TLE6: variants seen among roughly 807,000 people sequenced by gnomAD.
The protein encoded by TLE6 is TLE family member 6, subcortical maternal complex member.
TLE6 carries 72 observed loss-of-function variants against 77.1 expected under a neutral mutation model. That is an observed-to-expected ratio of 0.93 (90% CI 0.77 to 1.14). The LOEUF (loss-of-function observed/expected upper bound fraction) is 1.14, where lower values mean the gene tolerates loss of function less well. TLE6 is among the 50% of genes most tolerant of loss of function. The probability of loss-of-function intolerance (pLI) is 0.00; values close to 1 mark genes in which losing one functional copy is unlikely to be tolerated. For missense variants in TLE6, 843 were observed against 747.6 expected (o/e 1.13, Z -1.49); for synonymous variants, 366 against 287.3 (o/e 1.27, Z -2.77).
At chr19:2,994,187 A>G (rs956558025) in intron 16 of TLE6, 92 bp downstream of exon 16, 1 of 1,108,844 alleles carries the variant, frequency 9.0e-7, no homozygotes, top group African/African-American at 1.6e-5. Context: ...CAAAAAACTT[A>G]AAAAGTAGCC....
chr19:2,982,428 C>T (rs1326298904), intron 5 of TLE6, among the ~76,000 whole-genome samples: 1 of 150,582 alleles, frequency 6.6e-6, no homozygotes, highest in Non-Finnish European at 1.5e-5. Flanking sequence ...GTCCCAGCTA[C>T]TTGGGAGGCT....
At chr19:2,986,071 C>CAAAAAAAAA (rs547031586) in intron 5 of TLE6, among the ~76,000 whole-genome samples, 8 of 41,272 alleles carry the variant, frequency 1.9e-4, no homozygotes, top group Non-Finnish European at 2.4e-4. Context: ...GAGACTGTCT[C>CAAAAAAAAA]AAAAAAAAAA....
rs748043735 is a variant in TLE6 at position 2,993,428 on chromosome 19, C to G, written c.1387-4C>G. The G allele has an allele frequency of 2.5e-6, 4 of 1,600,154 alleles. No individual in the cohort carries two copies. Among genetic ancestry groups the G allele is most frequent in the South Asian group, 1.1e-5 (1 of 90,580 alleles). ...TTCCTCCCTCCCCACTGCCCATTACCTAGATAATGAGCCTGTCCCACAGCC... is the reference window on the plus strand; with the variant it reads ...TTCCTCCCTCCCCACTGCCCATTACGTAGATAATGAGCCTGTCCCACAGCC... On this transcript the variant is annotated splice_polypyrimidine_tract_variant and splice_region_variant and intron_variant, in intron 14 of 16. Coordinates refer to ENST00000246112, the MANE Select transcript of TLE6 (RefSeq NM_001143986.2).
chr19:2,988,633 C>T (rs1287397211), intron 11 of TLE6, among the ~76,000 whole-genome samples: 1 of 152,118 alleles, frequency 6.6e-6, no homozygotes, highest in Non-Finnish European at 1.5e-5. Flanking sequence ...AGGATCGCCG[C>T]CCCAACACTG....
Position 2,989,310 on chromosome 19 carries a change from A to T in TLE6, c.990A>T (p.Ile330=), listed in dbSNP as rs774229492. The change falls in exon 12 of 17, where the codon ATA becomes ATT. Residue 330 remains isoleucine, a synonymous_variant. Coordinates refer to ENST00000246112, the MANE Select transcript of TLE6 (RefSeq NM_001143986.2). ...GGTTCCCTGAGAGCCACCTGCCTAT[A>T]CAGGTGAGGACGGCCTTGGTTTCCA... is the stretch of plus-strand genomic sequence containing the variant. ...EDRFPESHLP[I]QTPGAFLRTC... The T allele has an allele frequency of 6.2e-7, 1 of 1,612,700 alleles. No homozygotes were observed. The highest frequency in any genetic ancestry group is 1.7e-5 in the Admixed American group (1 of 60,018).
chr19:2,978,132 G>T, intron 1 of TLE6, 66 bp from the exon 2 acceptor site: 1 of 1,254,674 alleles, frequency 8.0e-7, no homozygotes, highest in Non-Finnish European at 1.1e-6. Context: ...GGTAACGGGT[G>T]CCTTGCTTCC....
intron 13 of TLE6, among the ~76,000 whole-genome samples, chr19:2,990,929 A>C (rs1243879488): frequency 6.6e-6 from 1 of 150,900 alleles, no homozygotes; most frequent in East Asian, 1.9e-4. Context: ...TGAGAAGCGG[A>C]GTTTGTGGTG....
intron 2 of TLE6, among the ~76,000 whole-genome samples, chr19:2,978,808 T>C (rs536898480): frequency 6.6e-6 from 1 of 152,208 alleles, no homozygotes; most frequent in South Asian, 2.1e-4. Context: ...GAACACATCA[T>C]GTATTTGGTT....
rs779416778 is a variant in TLE6 at position 2,991,985 on chromosome 19, G to A, written c.1386+1G>A. 4 of 1,613,200 alleles carry A rather than the reference G, an allele frequency of 2.5e-6. No individual in the cohort carries two copies. The highest frequency in any genetic ancestry group is 3.4e-6 in the Non-Finnish European group (4 of 1,179,794). On this transcript the variant is annotated splice_donor_variant, in intron 14 of 16. Transcript: ENST00000246112. LOFTEE classifies it high-confidence loss of function. ...TCTGGAGTACCAATTCAAGTCTCAGGTGCGGAGGCCGGGATGGGGTCTGCT... is the reference window on the plus strand; with the variant it reads ...TCTGGAGTACCAATTCAAGTCTCAGATGCGGAGGCCGGGATGGGGTCTGCT...
intron 2 of TLE6, among the ~76,000 whole-genome samples, chr19:2,979,371 C>G (rs1053038522): frequency 2.6e-5 from 4 of 151,848 alleles, no homozygotes; most frequent in African/African-American, 9.7e-5. Context: ...CTCAGCCTCC[C>G]GAGTAGCTGG....
Position 2,986,966 on chromosome 19 carries a change from T to C in TLE6, c.286-17T>C. 1 of 1,588,544 alleles carries C rather than the reference T, an allele frequency of 6.3e-7. No homozygotes were observed. The highest frequency in any genetic ancestry group is 8.6e-7 in the Non-Finnish European group (1 of 1,167,500). On this transcript the variant is annotated splice_polypyrimidine_tract_variant and intron_variant, in intron 6 of 16. Coordinates refer to ENST00000246112, the MANE Select transcript of TLE6 (RefSeq NM_001143986.2). ...CTCATCCTCAAAGCTCTCACTGCCTTGTTCCTGCCGGGCCAGGTCTCACCT... is the reference window on the plus strand; with the variant it reads ...CTCATCCTCAAAGCTCTCACTGCCTCGTTCCTGCCGGGCCAGGTCTCACCT...
rs769943358 is a variant in TLE6 at position 2,987,789 on chromosome 19, C to T, written c.624C>T (p.Ser208=). The change falls in exon 9 of 17, where the codon TCC becomes TCT. Residue 208 remains serine (S), a splice_region_variant and synonymous_variant. Coordinates refer to ENST00000246112, the MANE Select transcript of TLE6 (RefSeq NM_001143986.2). ...CAGACCCATGTCCTGAAGATGCCTC[C>T]AGTAATCCCAGCGGGCAGGGGCCGA... ...PGTDPCPEDA[S]TPRPPEASSS... The T allele has an allele frequency of 6.2e-6, 10 of 1,614,160 alleles. No individual in the cohort carries two copies. In the Admixed American group the frequency reaches 1.5e-4, roughly 24 times the overall value.
At chr19:2,994,405 T>C (rs1255827674) in intron 16 of TLE6, among the ~76,000 whole-genome samples, 1 of 151,944 alleles carries the variant, frequency 6.6e-6, no homozygotes, top group African/African-American at 2.4e-5. Flanking sequence ...GGTCAGGAGA[T>C]CAAGACCATC....
rs1460790188 is a variant in TLE6 at position 2,991,391 on chromosome 19, TATATACAC to T, written c.1245-450_1245-443del. Reference sequence around the variant, plus strand: ...AAAAAAATACGTATATATATATATATATATACACACACACACACACACACACACACACA... The same window carrying T: ...AAAAAAATACGTATATATATATATATACACACACACACACACACACACACA... On this transcript the variant is annotated intron_variant, in intron 13 of 16. Transcript: ENST00000246112. 4.9e-3 allele frequency among the ~76,000 whole-genome samples: 562 copies of T among 114,840 alleles called. 4 individuals are homozygous for T. The highest frequency in any genetic ancestry group is 0.02 in the African/African-American group (541 of 26,912). The allele number at this position is 114,840 out of a possible 152,430, so 75.3% of individuals were successfully genotyped here. A position where few individuals can be genotyped will look rare whatever the true frequency, so the allele number is the denominator to read the frequency against.
chr19:2,987,587 C>T (rs1368299984), intron 8 of TLE6, 137 bp from the exon 9 acceptor site: 6 of 1,145,204 alleles, frequency 5.2e-6, no homozygotes, highest in Non-Finnish European at 6.5e-6. Flanking sequence ...CCCTGACTCT[C>T]TCTCTGCAAC....
intron 4 of TLE6, among the ~76,000 whole-genome samples, chr19:2,981,886 C>T (rs761971897): frequency 4.0e-5 from 6 of 151,806 alleles, no homozygotes; most frequent in East Asian, 2.0e-4. Context: ...GCAGGAGAAT[C>T]GCTTGAGCCC....
chr19:2,991,789 G>C (rs1206718594), intron 13 of TLE6, 54 bp from the exon 14 acceptor site: 68 of 1,579,708 alleles, frequency 4.3e-5, no homozygotes, highest in Non-Finnish European at 5.9e-5. Flanking sequence ...TGTTTCCGGG[G>C]GCCCAAACCT....
At chr19:2,991,375 C>CATATAT (rs1568217982) in intron 13 of TLE6, among the ~76,000 whole-genome samples, 2 of 52,858 alleles carry the variant, frequency 3.8e-5, no homozygotes, top group Non-Finnish European at 6.7e-5. Flanking sequence ...AAAAAAAATA[C>CATATAT]GTATATATAT....
At position 2,991,988 on chromosome 19, in the gene TLE6, C is replaced by T. The variant is rs199840841; in HGVS notation, c.1386+4C>T. The T allele has an allele frequency of 5.1e-5, 83 of 1,612,730 alleles. No homozygotes were observed. The East Asian group carries it at 6.9e-4, about 13-fold the overall frequency. Reference sequence around the variant, plus strand: ...GGAGTACCAATTCAAGTCTCAGGTGCGGAGGCCGGGATGGGGTCTGCTTGG... The same window carrying T: ...GGAGTACCAATTCAAGTCTCAGGTGTGGAGGCCGGGATGGGGTCTGCTTGG... On this transcript the variant is annotated splice_donor_region_variant and intron_variant, in intron 14 of 16. Transcript: ENST00000246112.
Sources: gnomAD v4.1 joint callset for allele counts (sites outside exome capture counted in the v4.1 genomes callset) on GRCh38, gnomAD v4.1.1 for gene constraint, MANE v1.5 for transcripts, NCBI Gene and HGNC (gene_info 2026-07-23, HGNC 2026-07-21) for gene names.